PPP1R21: variants seen among roughly 807,000 people sequenced by gnomAD.
PPP1R21 encodes KLRAQ motif containing 1.
In PPP1R21, 85 loss-of-function variants were observed where a neutral mutation model predicts 112.8. That is an observed-to-expected ratio of 0.75 (90% CI 0.63 to 0.90). PPP1R21 has a LOEUF of 0.90. Ranked by LOEUF, PPP1R21 falls within the 40% of genes least tolerant of loss-of-function variation. The probability of loss-of-function intolerance (pLI) is 0.00; values close to 1 mark genes in which losing one functional copy is unlikely to be tolerated. For synonymous variants in PPP1R21, 381 were observed against 322.3 expected (o/e 1.18, Z -1.95); for missense variants, 1,199 against 901.5 (o/e 1.33, Z -4.23).
chr2:48,451,040 T>G lies in PPP1R21; in HGVS notation c.90T>G (p.Gly30=). 1 of 1,613,774 alleles carries G rather than the reference T, an allele frequency of 6.2e-7. No individual in the cohort carries two copies. Among genetic ancestry groups the G allele is most frequent in the Non-Finnish European group, 8.5e-7 (1 of 1,179,766 alleles). ...LRAQNQVLKK[G]VVDEQANSAA... ...CTCAGAATCAGGTTCTGAAAAAAGG[T>G]GTTGTGGATGAACAAGCAAATTCTG... The change falls in exon 2 of 22, where the codon GGT becomes GGG. Residue 30 remains glycine, a synonymous_variant. Transcript: ENST00000294952.
At chr2:48,480,481 G>A (rs1419356622) in intron 13 of PPP1R21, among the ~76,000 whole-genome samples, 1 of 152,182 alleles carries the variant, frequency 6.6e-6, no homozygotes, top group African/African-American at 2.4e-5. Flanking sequence ...GTTGGGCATA[G>A]CCTTAAGAAA....
Position 48,514,850 on chromosome 2 carries a change from T to A in PPP1R21, c.*106T>A. The A allele has an allele frequency of 8.9e-7, 1 of 1,129,110 alleles. No individual in the cohort carries two copies. Among genetic ancestry groups the A allele is most frequent in the African/African-American group, 1.6e-5 (1 of 64,058 alleles). The allele number at this position is 1,129,110 out of a possible 1,614,324, so 69.9% of individuals were successfully genotyped here. ...GCTGGCTGCCTTCAGGAAGCTAAAG[T>A]ATTGTTGGACCTAGTAAACTAGTCA... On this transcript the variant is annotated 3_prime_UTR_variant, in exon 22 of 22. Coordinates refer to ENST00000294952, the MANE Select transcript of PPP1R21 (RefSeq NM_001135629.3).
In PPP1R21 at chr2:48,448,570, AG is replaced by A. The variant is rs559868621; in HGVS notation, c.58-2436del. ...TGTAAGAGATTACAGATCACAGCTA[AG>A]GCAGGGGTATGAAATAAAATCTAAC... On this transcript the variant is annotated intron_variant, in intron 1 of 21. Coordinates refer to ENST00000294952, the MANE Select transcript of PPP1R21 (RefSeq NM_001135629.3). Among the ~76,000 whole-genome samples, 696 of 144,006 alleles carry A rather than the reference AG, an allele frequency of 4.8e-3. 2 individuals are homozygous for A. The highest frequency in any genetic ancestry group is 0.012 in the South Asian group (51 of 4,376). 94.5% of individuals were successfully genotyped at this position (144,006 alleles called of 152,430 possible).
In PPP1R21 at chr2:48,514,849, G is replaced by A; in HGVS notation, c.*105G>A. The A allele has an allele frequency of 8.8e-7, 1 of 1,137,958 alleles. No individual in the cohort carries two copies. The highest frequency in any genetic ancestry group is 1.3e-6 in the Non-Finnish European group (1 of 769,594). 70.5% of individuals were successfully genotyped at this position (1,137,958 alleles called of 1,614,324 possible). A position where few individuals can be genotyped will look rare whatever the true frequency, so the allele number is the denominator to read the frequency against. On this transcript the variant is annotated 3_prime_UTR_variant, in exon 22 of 22. Coordinates refer to ENST00000294952, the MANE Select transcript of PPP1R21 (RefSeq NM_001135629.3). ...TGCTGGCTGCCTTCAGGAAGCTAAA[G>A]TATTGTTGGACCTAGTAAACTAGTC...
At chr2:48,448,086 A>C (rs1053052619) in intron 1 of PPP1R21, among the ~76,000 whole-genome samples, 13 of 152,154 alleles carry the variant, frequency 8.5e-5, no homozygotes, top group African/African-American at 3.1e-4. Flanking sequence ...AAAAACATCA[A>C]ATGTTGCAAA....
intron 15 of PPP1R21, among the ~76,000 whole-genome samples, chr2:48,494,657 C>A (rs1008911014): frequency 6.6e-6 from 1 of 151,928 alleles, no homozygotes; most frequent in Non-Finnish European, 1.5e-5. Flanking sequence ...CTTAGGAAGT[C>A]CACCCGCCTC....
intron 9 of PPP1R21, among the ~76,000 whole-genome samples, chr2:48,467,046 C>G (rs1490764313): frequency 6.6e-6 from 1 of 152,168 alleles, no homozygotes; most frequent in Non-Finnish European, 1.5e-5. Flanking sequence ...TGATTGTACT[C>G]ACAGTGTAAC....
intron 9 of PPP1R21, among the ~76,000 whole-genome samples, chr2:48,468,825 A>ATCTATGTG (rs1553339032): frequency 2.3e-5 from 1 of 43,906 alleles, no homozygotes; most frequent in Non-Finnish European, 5.0e-5. Flanking sequence ...AAGAAAAAAA[A>ATCTATGTG]TGTATGTGTG....
intron 14 of PPP1R21, among the ~76,000 whole-genome samples, chr2:48,490,022 GTGACAGAGCAAGACTCTGT>G (rs1669487755): frequency 6.6e-6 from 1 of 151,988 alleles, no homozygotes; most frequent in South Asian, 2.1e-4. Flanking sequence ...TCCAGCCTGG[GTGACAGAGCAAGACTCTGT>G]TTCAAACAAA....
At chr2:48,493,809 A>G (rs1307096894) in intron 15 of PPP1R21, among the ~76,000 whole-genome samples, 1 of 152,000 alleles carries the variant, frequency 6.6e-6, no homozygotes, top group African/African-American at 2.4e-5. Context: ...TCGTTTCTGG[A>G]TATTTTATTC....
chr2:48,491,102 C>G lies in PPP1R21; in HGVS notation c.1531C>G (p.Pro511Ala). 1.9e-6 allele frequency: 3 copies of G among 1,614,102 alleles called. No homozygotes were observed. Among genetic ancestry groups the G allele is most frequent in the Non-Finnish European group, 2.5e-6 (3 of 1,180,014 alleles). ...TAAGGCAGCGAGTGGATTCATTAGTCCTCTTTCAGCTGAATGCATGCTACA... is the reference window on the plus strand; with the variant it reads ...TAAGGCAGCGAGTGGATTCATTAGTGCTCTTTCAGCTGAATGCATGCTACA... ...GPKAASGFISPLSAECMLQYK... is the reference protein window; with the variant it reads ...GPKAASGFISALSAECMLQYK... The change falls in exon 15 of 22, where the codon CCT becomes GCT. Residue 511 changes from proline to alanine, a missense_variant. By Grantham distance (27) the Pro-to-Ala change is conservative. Transcript: ENST00000294952.
At chr2:48,453,207 G>A (rs1667559817) in intron 2 of PPP1R21, among the ~76,000 whole-genome samples, 1 of 152,134 alleles carries the variant, frequency 6.6e-6, no homozygotes, top group South Asian at 2.1e-4. Flanking sequence ...GCCCTCTTTA[G>A]CCTCCCAAAG....
intron 15 of PPP1R21, among the ~76,000 whole-genome samples, chr2:48,494,718 A>G (rs1224706489): frequency 6.7e-6 from 1 of 149,624 alleles, no homozygotes; most frequent in East Asian, 2.0e-4. Context: ...GCCTGGCCTT[A>G]TTTATTTATT....
chr2:48,489,697 G>A (rs1192119464), intron 14 of PPP1R21, among the ~76,000 whole-genome samples: 1 of 151,794 alleles, frequency 6.6e-6, no homozygotes, highest in African/African-American at 2.4e-5. Context: ...CTCACCTGAG[G>A]TCACGAGTTT....
intron 12 of PPP1R21, among the ~76,000 whole-genome samples, chr2:48,476,368 G>A (rs972947731): frequency 1.3e-5 from 2 of 152,146 alleles, no homozygotes; most frequent in African/African-American, 4.8e-5. Flanking sequence ...GGACATTTGG[G>A]TTGTTTCTAC....
rs1572865040 is a variant in PPP1R21, at chr2:48,479,621, A to G, written c.1226-303A>G. ...GGAATGAAAAATGCATTATATAATA[A>G]CAAGGTAAACATTCACAAAGACTTT... On this transcript the variant is annotated intron_variant, in intron 12 of 21. Coordinates refer to ENST00000294952, the MANE Select transcript of PPP1R21 (RefSeq NM_001135629.3). 7.0e-6 allele frequency: 4 copies of G among 567,512 alleles called. No homozygotes were observed. In the East Asian group the frequency reaches 1.7e-4, roughly 25 times the overall value. The allele number at this position is 567,512 out of a possible 1,614,324, so 35.2% of individuals were successfully genotyped here.
chr2:48,501,127 C>G (rs1670093151), intron 17 of PPP1R21, among the ~76,000 whole-genome samples: 2 of 152,180 alleles, frequency 1.3e-5, no homozygotes, highest in Admixed American at 1.3e-4. Context: ...AGTGGTTTAG[C>G]ATTTAGCTAC....
intron 5 of PPP1R21, 65 bp downstream of exon 5, chr2:48,459,983 C>T: frequency 6.3e-7 from 1 of 1,589,070 alleles, no homozygotes; most frequent in Non-Finnish European, 8.6e-7. Context: ...AATTGTCTAT[C>T]CACTTAGAGT....
chr2:48,515,274 C>T lies in PPP1R21; in HGVS notation c.*530C>T, dbSNP rs1670827600. ...CTTTCTCTCTGAGGGAGAGGGAGCC[C>T]TCCAAACTTCAGATCCTGTGGGTTT... On this transcript the variant is annotated 3_prime_UTR_variant, in exon 22 of 22. Coordinates refer to ENST00000294952, the MANE Select transcript of PPP1R21 (RefSeq NM_001135629.3). 7.4e-6 allele frequency: 1 copy of T among 134,608 alleles called. No homozygotes were observed. Among genetic ancestry groups the T allele is most frequent in the Admixed American group, 7.5e-5 (1 of 13,280 alleles). 8.3% of individuals were successfully genotyped at this position (134,608 alleles called of 1,614,324 possible).
Sources: allele counts gnomAD v4.1 joint callset (sites outside exome capture counted in the v4.1 genomes callset), GRCh38; gene constraint gnomAD v4.1.1; transcripts MANE v1.5; gene names NCBI Gene and HGNC (gene_info 2026-07-23, HGNC 2026-07-21).